Variants in P3H2 observed in about 807,000 individuals in gnomAD.
P3H2 encodes the protein leprecan-like 1.
In P3H2, 80 loss-of-function variants were observed where a neutral mutation model predicts 87.0. The observed-to-expected ratio is 0.92, with a 90% CI of 0.77 to 1.11. P3H2 has a LOEUF of 1.11. Among genes scored for constraint, P3H2 ranks in the 50% least tolerant of loss-of-function variants. P3H2 has a pLI of 0.00. For missense variants in P3H2, 1,001 were observed against 923.9 expected (o/e 1.08, Z -1.08); for synonymous variants, 367 against 359.3 (o/e 1.02, Z -0.24).
At chr3:189,980,461 G>A (rs770845399) in intron 8 of P3H2, among the ~76,000 whole-genome samples, 1 of 152,080 alleles carries the variant, frequency 6.6e-6, no homozygotes, top group African/African-American at 2.4e-5. Flanking sequence ...TACTCAGGAG[G>A]CTGAGGCAGA....
chr3:189,983,889 GATGTA>G (rs1577253958), intron 7 of P3H2, among the ~76,000 whole-genome samples: 1 of 145,926 alleles, frequency 6.9e-6, no homozygotes, highest in Non-Finnish European at 1.5e-5. Context: ...CCTTTAAAAA[GATGTA>G]AATTGACTTT....
At chr3:190,045,776 G>GAAA (rs368984204) in intron 1 of P3H2, among the ~76,000 whole-genome samples, 2 of 149,056 alleles carry the variant, frequency 1.3e-5, no homozygotes, top group Non-Finnish European at 3.0e-5. Flanking sequence ...CGTCTTTCCT[G>GAAA]AAAAAAAAAA....
chr3:189,966,725 C>T (rs1465869903), intron 13 of P3H2, among the ~76,000 whole-genome samples: 1 of 152,162 alleles, frequency 6.6e-6, no homozygotes, highest in African/African-American at 2.4e-5. Context: ...TTCTTTGAAC[C>T]TGCACAGAGA....
At chr3:190,084,121 G>A (rs189717201) in intron 1 of P3H2, among the ~76,000 whole-genome samples, 30 of 151,266 alleles carry the variant, frequency 2.0e-4, no homozygotes, top group East Asian at 9.8e-4. Context: ...TTAAAAAGCC[G>A]AGAAAGGACC....
At chr3:190,044,422 G>C (rs925451893) in intron 1 of P3H2, among the ~76,000 whole-genome samples, 3 of 152,180 alleles carry the variant, frequency 2.0e-5, no homozygotes, top group Admixed American at 2.0e-4. Flanking sequence ...ATCCTTTGCA[G>C]CTGCCACACC....
chr3:190,106,992 G>C (rs1210675615), intron 1 of P3H2, among the ~76,000 whole-genome samples: 1 of 152,146 alleles, frequency 6.6e-6, no homozygotes, highest in Non-Finnish European at 1.5e-5. Context: ...GAACATAACT[G>C]TCTTCAAAAC....
chr3:189,977,922 A>C (rs1344512788), intron 8 of P3H2, among the ~76,000 whole-genome samples: 1 of 152,106 alleles, frequency 6.6e-6, no homozygotes, highest in Non-Finnish European at 1.5e-5. Flanking sequence ...GTAGTCTTTT[A>C]AAAATCCCCC....
At chr3:189,980,499 G>A (rs1312004146) in intron 8 of P3H2, among the ~76,000 whole-genome samples, 4 of 151,796 alleles carry the variant, frequency 2.6e-5, no homozygotes, top group African/African-American at 4.8e-5. Flanking sequence ...GGAGGCGGAC[G>A]TTGCAGTGAG....
At chr3:190,005,670 C>T (rs1329709075) in intron 1 of P3H2, among the ~76,000 whole-genome samples, 1 of 152,208 alleles carries the variant, frequency 6.6e-6, no homozygotes, top group Non-Finnish European at 1.5e-5. Context: ...GAAATATAAA[C>T]TCTTGCTTTT....
intron 2 of P3H2, 64 bp downstream of exon 2, chr3:189,995,226 G>T: frequency 6.7e-7 from 1 of 1,491,666 alleles, no homozygotes; most frequent in South Asian, 1.2e-5. Context: ...AATTTGCTGT[G>T]ACTCAGATGA....
intron 1 of P3H2, among the ~76,000 whole-genome samples, chr3:190,107,533 T>C (rs929548845): frequency 4.6e-5 from 7 of 152,130 alleles, no homozygotes; most frequent in Non-Finnish European, 1.0e-4. Context: ...TTGAGCAGTT[T>C]TTATTATTAT....
chr3:189,986,547 C>T (rs1448129672), intron 6 of P3H2, among the ~76,000 whole-genome samples: 1 of 152,158 alleles, frequency 6.6e-6, no homozygotes, highest in African/African-American at 2.4e-5. Flanking sequence ...CGAGATCACG[C>T]CACTGCACTC....
rs763624501 is a variant in P3H2 at position 189,995,489 on chromosome 3, T to G, written c.481-47A>C. The G allele has an allele frequency of 4.1e-5, 65 of 1,578,968 alleles. No homozygotes were observed. In the East Asian group the frequency reaches 1.4e-3, roughly 34 times the overall value. ...CAAAATGAAGGCAAATATTTCCAAA[T>G]CACACTCAGAGAAATACAAAGATCA... On this transcript the variant is annotated intron_variant, in intron 1 of 14. Transcript: ENST00000319332.
At chr3:189,998,112 G>A (rs1041854703) in intron 1 of P3H2, among the ~76,000 whole-genome samples, 1 of 152,176 alleles carries the variant, frequency 6.6e-6, no homozygotes, top group African/African-American at 2.4e-5. Flanking sequence ...ATATATAAAT[G>A]ATCTGTTTCA....
At chr3:190,032,992 T>C (rs1725304897) in intron 1 of P3H2, among the ~76,000 whole-genome samples, 2 of 152,234 alleles carry the variant, frequency 1.3e-5, no homozygotes, top group Admixed American at 1.3e-4. Context: ...CTGAGCTTGT[T>C]TTCTGAAACT....
chr3:189,987,340 G>A (rs375421769), intron 5 of P3H2, among the ~76,000 whole-genome samples, 187 bp downstream of exon 5: 46 of 152,044 alleles, frequency 3.0e-4, no homozygotes, highest in African/African-American at 1.0e-3. Flanking sequence ...TTAGCCGGGT[G>A]TGGTGGCATG....
chr3:189,993,312 A>T (rs994831381), intron 3 of P3H2, among the ~76,000 whole-genome samples: 1 of 122,828 alleles, frequency 8.1e-6, no homozygotes, highest in African/African-American at 2.9e-5. Context: ...ACAAGAGCGA[A>T]ACTCTGTCTC....
chr3:190,035,111 AG>A (rs1427130994), intron 1 of P3H2, among the ~76,000 whole-genome samples: 1 of 152,042 alleles, frequency 6.6e-6, no homozygotes, highest in Non-Finnish European at 1.5e-5. Context: ...AGCATCCTGA[AG>A]TGCTGAGATT....
chr3:190,036,941 T>TAA (rs1322439122), intron 1 of P3H2, among the ~76,000 whole-genome samples: 4 of 52,856 alleles, frequency 7.6e-5, no homozygotes, highest in African/African-American at 1.6e-4. Flanking sequence ...GTTGGAAAGA[T>TAA]AAAAATATAT....
Sources: gnomAD v4.1 joint callset for allele counts (sites outside exome capture counted in the v4.1 genomes callset) on GRCh38, gnomAD v4.1.1 for gene constraint, MANE v1.5 for transcripts, NCBI Gene and HGNC (gene_info 2026-07-23, HGNC 2026-07-21) for gene names.